Variants in DCC observed in about 807,000 individuals in gnomAD.
DCC encodes DCC netrin 1 receptor, also known as netrin receptor DCC.
A neutral mutation model predicts 172.5 loss-of-function variants in DCC; 58 were observed. The observed-to-expected ratio is 0.34, with a 90% CI of 0.27 to 0.42. The LOEUF (loss-of-function observed/expected upper bound fraction) is 0.42, where lower values mean the gene tolerates loss of function less well. Among genes scored for constraint, DCC ranks in the 10% least tolerant of loss-of-function variants. The pLI is 1.00. For missense variants in DCC, 1,740 were observed against 1,791.0 expected (o/e 0.97, Z 0.51); for synonymous variants, 709 against 644.5 (o/e 1.10, Z -1.52).
chr18:52,427,552 A>G (rs1987470724), intron 1 of DCC, among the ~76,000 whole-genome samples: 3 of 152,054 alleles, frequency 2.0e-5, no homozygotes, highest in South Asian at 2.1e-4. Context: ...GACTGCAGAT[A>G]TTGAAGACAA....
At chr18:52,586,355 C>T (rs765709554) in intron 1 of DCC, among the ~76,000 whole-genome samples, 18 of 151,930 alleles carry the variant, frequency 1.2e-4, no homozygotes, top group Non-Finnish European at 5.9e-5. Flanking sequence ...ATATAGTTGC[C>T]CCTGTATTCC....
At chr18:52,450,110 C>A (rs149053668) in intron 1 of DCC, among the ~76,000 whole-genome samples, 1 of 152,012 alleles carries the variant, frequency 6.6e-6, no homozygotes, top group Admixed American at 6.6e-5. Context: ...TGTCTCAAAC[C>A]GAGACTTAAA....
intron 1 of DCC, among the ~76,000 whole-genome samples, chr18:52,750,044 A>G (rs1599072618): frequency 6.6e-6 from 1 of 152,214 alleles, no homozygotes; most frequent in Non-Finnish European, 1.5e-5. Flanking sequence ...GTAGAGGAAG[A>G]GATCACGTAG....
intron 2 of DCC, among the ~76,000 whole-genome samples, chr18:52,785,749 G>T (rs1455203658): frequency 1.3e-5 from 2 of 152,036 alleles, no homozygotes; most frequent in African/African-American, 4.8e-5. Flanking sequence ...GATTTGGGTG[G>T]CTAGAGTAAC....
At position 53,507,128 on chromosome 18, in the gene DCC, T is replaced by C. The variant is rs111747411; in HGVS notation, c.4111+7618T>C. The stretch of plus-strand genomic sequence containing the variant: ...CTATGAGTAAGAGAAAGGTTTTAAT[T>C]TGAATATTTTGAGACTCATGGTATA... On this transcript the variant is annotated intron_variant, in intron 27 of 28. Coordinates refer to ENST00000442544, the MANE Select transcript of DCC (RefSeq NM_005215.4). Among the ~76,000 whole-genome samples the C allele has an allele frequency of 5.5e-3, 834 of 152,186 alleles. 5 individuals are homozygous for C. The highest frequency in any genetic ancestry group is 0.019 in the African/African-American group (785 of 41,442).
intron 1 of DCC, among the ~76,000 whole-genome samples, chr18:52,576,023 G>A (rs1474574789): frequency 6.6e-6 from 1 of 152,190 alleles, no homozygotes; most frequent in Admixed American, 6.5e-5. Flanking sequence ...AGAGGAGATT[G>A]TTATGGCGTC....
intron 2 of DCC, among the ~76,000 whole-genome samples, chr18:52,777,314 C>CGTG (rs2037451842): frequency 1.9e-5 from 1 of 51,804 alleles, no homozygotes; most frequent in South Asian, 1.1e-3. Context: ...CCCTGAAGGC[C>CGTG]ATGAGAACTC....
intron 21 of DCC, among the ~76,000 whole-genome samples, chr18:53,426,943 T>A (rs1170645014): frequency 6.6e-6 from 1 of 152,130 alleles, no homozygotes. Flanking sequence ...TATAGTCACT[T>A]GGAGGAGAGA....
intron 12 of DCC, among the ~76,000 whole-genome samples, chr18:53,283,845 T>C (rs1486991874): frequency 6.6e-6 from 1 of 152,198 alleles, no homozygotes; most frequent in Admixed American, 6.5e-5. Context: ...CAATGCTAAT[T>C]ATAAACTTAC....
At chr18:52,875,680 T>C (rs889843836) in intron 2 of DCC, among the ~76,000 whole-genome samples, 1 of 152,196 alleles carries the variant, frequency 6.6e-6, no homozygotes, top group Admixed American at 6.5e-5. Context: ...TGCTCAGCCC[T>C]CATAAACCCT....
intron 7 of DCC, among the ~76,000 whole-genome samples, chr18:53,132,746 C>A (rs945585753): frequency 1.3e-5 from 2 of 152,138 alleles, no homozygotes; most frequent in Admixed American, 6.6e-5. Flanking sequence ...CTGATGCAAG[C>A]ATGTCAGGCC....
intron 1 of DCC, among the ~76,000 whole-genome samples, chr18:52,651,868 G>A (rs992587500): frequency 2.0e-5 from 3 of 152,114 alleles, no homozygotes; most frequent in Non-Finnish European, 2.9e-5. Flanking sequence ...GATAAGAGGG[G>A]AAGAAATTAA....
chr18:53,048,353 G>A (rs965816899), intron 5 of DCC, among the ~76,000 whole-genome samples: 9 of 151,284 alleles, frequency 5.9e-5, no homozygotes, highest in Non-Finnish European at 1.0e-4. Flanking sequence ...TTTAGCTCCC[G>A]CTTATAAGTG....
chr18:53,356,561 G>T (rs534479889), intron 15 of DCC, among the ~76,000 whole-genome samples: 1 of 152,256 alleles, frequency 6.6e-6, no homozygotes, highest in South Asian at 2.1e-4. Flanking sequence ...TACCACCTGA[G>T]TACCCAAATT....
intron 26 of DCC, among the ~76,000 whole-genome samples, chr18:53,496,442 T>C (rs2046024546): frequency 8.0e-6 from 1 of 124,920 alleles, no homozygotes; most frequent in African/African-American, 3.1e-5. Context: ...ACGAAGAGAC[T>C]CCATCCGAAG....
At chr18:52,870,353 C>T (rs1210264905) in intron 2 of DCC, among the ~76,000 whole-genome samples, 3 of 152,186 alleles carry the variant, frequency 2.0e-5, no homozygotes, top group African/African-American at 7.2e-5. Context: ...GCAGCTGCTC[C>T]TGCCACCACC....
intron 5 of DCC, among the ~76,000 whole-genome samples, chr18:53,050,677 G>A (rs766097304): frequency 6.6e-6 from 1 of 152,068 alleles, no homozygotes; most frequent in Non-Finnish European, 1.5e-5. Context: ...CTTTTGGACA[G>A]AGACGTTGGG....
At chr18:53,220,957 C>T (rs1190665007) in intron 12 of DCC, among the ~76,000 whole-genome samples, 3 of 151,958 alleles carry the variant, frequency 2.0e-5, no homozygotes, top group Non-Finnish European at 2.9e-5. Flanking sequence ...GTAGGAAAGA[C>T]TAGACTGGAT....
rs544025059 is a variant in DCC at position 53,044,330 on chromosome 18, T to C, written c.986-18975T>C. Among the ~76,000 whole-genome samples, 4 of 151,986 alleles carry C rather than the reference T, an allele frequency of 2.6e-5. No individual in the cohort carries two copies. In the East Asian group the frequency reaches 5.8e-4, roughly 22 times the overall value. ...AATCATGAAGTGACTGCACAGGCCATTGAAATGCTTTGATAACTTGCATAG... is the reference window on the plus strand; with the variant it reads ...AATCATGAAGTGACTGCACAGGCCACTGAAATGCTTTGATAACTTGCATAG... On this transcript the variant is annotated intron_variant, in intron 5 of 28. Transcript: ENST00000442544.
Sources: allele counts gnomAD v4.1 joint callset (sites outside exome capture counted in the v4.1 genomes callset), GRCh38; gene constraint gnomAD v4.1.1; transcripts MANE v1.5; gene names NCBI Gene and HGNC (gene_info 2026-07-23, HGNC 2026-07-21).